The following TMEM114 variants were observed in gnomAD, a reference collection of about 807,000 sequenced individuals.
TMEM114 encodes claudin-26.
TMEM114 carries 6 observed loss-of-function variants against 6.2 expected under a neutral mutation model. The ratio of observed to expected loss-of-function variants is 0.97; its 90% confidence interval spans 0.53 to 1.91. The LOEUF is 1.91. Ranked by LOEUF, TMEM114 falls within the 40% of genes most tolerant of loss-of-function variation. TMEM114 has a pLI of 0.01. For missense variants in TMEM114, 218 were observed against 158.3 expected (o/e 1.38, Z -2.02); for synonymous variants, 104 against 73.0 (o/e 1.42, Z -2.16).
chr16:8,550,691 A>C (rs1329617159), intron 2 of TMEM114, among the ~76,000 whole-genome samples: 1 of 66,132 alleles, frequency 1.5e-5, no homozygotes. Flanking sequence ...AAAACAAAAA[A>C]AAAAAAACCA....
intron 2 of TMEM114, among the ~76,000 whole-genome samples, chr16:8,554,059 T>G (rs1596473040): frequency 6.6e-6 from 1 of 152,042 alleles, no homozygotes. Context: ...TTGTGTTTTT[T>G]GTAGAGACAG....
intron 2 of TMEM114, among the ~76,000 whole-genome samples, chr16:8,547,088 T>G (rs1044589603): frequency 3.3e-5 from 5 of 152,190 alleles, no homozygotes; most frequent in African/African-American, 1.2e-4. Context: ...GTCCTCAGGC[T>G]CTTTTCCAGA....
At chr16:8,537,406 C>T (rs1351450585), downstream of TMEM114, among the ~76,000 whole-genome samples, 1 of 152,110 alleles carries the variant, frequency 6.6e-6, no homozygotes, top group Non-Finnish European at 1.5e-5. Context: ...GAAGCTGAGG[C>T]AGAAGAATGG....
At chr16:8,568,045 G>T (rs987802070), downstream of TMEM114, among the ~76,000 whole-genome samples, 1 of 152,164 alleles carries the variant, frequency 6.6e-6, no homozygotes, top group African/African-American at 2.4e-5. Context: ...TGGAAGTAGG[G>T]GGAGGACCAT....
chr16:8,543,989 T>C (rs886636590), intron 2 of TMEM114, among the ~76,000 whole-genome samples: 11 of 152,200 alleles, frequency 7.2e-5, no homozygotes, highest in African/African-American at 2.4e-5. Flanking sequence ...TAATCCAATA[T>C]TTTCCTTTTT....
Position 8,586,411 on chromosome 16 carries a change from A to G in TMEM114, c.301+2802T>C, listed in dbSNP as rs990570867. Among the ~76,000 whole-genome samples, 3 of 152,186 alleles carry G rather than the reference A, an allele frequency of 2.0e-5. No homozygotes were observed. In the East Asian group the frequency reaches 5.8e-4, roughly 29 times the overall value. ...CATTGAGGCTCAGAGAGGTTAAGAC[A>G]CCTATCCCAGGATCACAGAAGGCCT... On this transcript the variant is annotated intron_variant, in intron 2 of 3. Coordinates refer to ENST00000620492, the MANE Select transcript of TMEM114 (RefSeq NM_001146336.2).
chr16:8,530,874 A>C, the TMEM114 span, among the ~76,000 whole-genome samples: 2 of 152,120 alleles, frequency 1.3e-5, no homozygotes, highest in East Asian at 3.9e-4. Flanking sequence ...AAAATGCAAA[A>C]ATTAGCAGGG....
intron 2 of TMEM114, among the ~76,000 whole-genome samples, chr16:8,563,803 G>T (rs1191776048): frequency 6.8e-6 from 1 of 147,910 alleles, no homozygotes; most frequent in Non-Finnish European, 1.5e-5. Flanking sequence ...ATGAGTGAGG[G>T]AGGGAGGGAA....
At chr16:8,586,067 G>T (rs1005964663) in intron 2 of TMEM114, among the ~76,000 whole-genome samples, 2 of 152,196 alleles carry the variant, frequency 1.3e-5, no homozygotes, top group African/African-American at 2.4e-5. Flanking sequence ...GCCTATTGTG[G>T]TTAGCCATCC....
chr16:8,555,940 G>C (rs13337786), intron 2 of TMEM114, among the ~76,000 whole-genome samples: 65,175 of 151,758 alleles, frequency 0.43, 14,254 homozygotes, highest in East Asian at 0.52. Flanking sequence ...CCTCTTGGAC[G>C]TGTCCATCTT....
intron 2 of TMEM114, among the ~76,000 whole-genome samples, chr16:8,588,242 A>T (rs1028223200): frequency 4.0e-5 from 6 of 149,488 alleles, no homozygotes; most frequent in South Asian, 2.2e-4. Context: ...AGCCAAGATT[A>T]TGCCACTGTA....
intron 2 of TMEM114, among the ~76,000 whole-genome samples, chr16:8,580,035 T>G (rs143320303): frequency 3.9e-4 from 60 of 151,934 alleles, no homozygotes; most frequent in African/African-American, 1.4e-3. Flanking sequence ...CATCCAGAAG[T>G]AGGAGACACC....
intron 2 of TMEM114, among the ~76,000 whole-genome samples, chr16:8,563,577 A>ATGAG (rs1196791514): frequency 1.4e-5 from 2 of 141,216 alleles, no homozygotes; most frequent in East Asian, 4.4e-4. Flanking sequence ...GAGGGAGGAA[A>ATGAG]TGAGTGAGTG....
At chr16:8,544,271 A>G (rs1378086684) in intron 2 of TMEM114, among the ~76,000 whole-genome samples, 3 of 152,184 alleles carry the variant, frequency 2.0e-5, no homozygotes, top group Non-Finnish European at 2.9e-5. Context: ...ATAAATAACA[A>G]GTATAATTTG....
chr16:8,562,471 A>G (rs1390605132), intron 2 of TMEM114, among the ~76,000 whole-genome samples: 1 of 150,928 alleles, frequency 6.6e-6, no homozygotes, highest in East Asian at 2.0e-4. Flanking sequence ...GGAGGGAGGG[A>G]ATGAGTGAGT....
chr16:8,582,101 C>T (rs1902171786), intron 2 of TMEM114, among the ~76,000 whole-genome samples: 1 of 152,194 alleles, frequency 6.6e-6, no homozygotes, highest in South Asian at 2.1e-4. Flanking sequence ...AACTGGAAAT[C>T]CAATCTTGTG....
rs1361993590 is a variant in TMEM114 at position 8,569,984 on chromosome 16, A to G, written c.461T>C (p.Ile154Thr). 1 of 1,550,372 alleles carries G rather than the reference A, an allele frequency of 6.5e-7. No homozygotes were observed. The highest frequency in any genetic ancestry group is 1.4e-5 in the African/African-American group (1 of 73,052). Residue 154 changes from isoleucine (I) to threonine (T), a missense_variant, in exon 4 of 4, where the codon ATC becomes ACC. By Grantham distance (89) the Ile-to-Thr change is moderately conservative (BLOSUM62 -1). Coordinates refer to ENST00000620492, the MANE Select transcript of TMEM114 (RefSeq NM_001146336.2). ...LFGAMVTLAG[I>T]SVYIAYSAAA... ...GGCTGAATACGCTATGTAGACGCTGATCCCAGCGAGGGTCACCATGGCTGC... is the reference window on the plus strand; with the variant it reads ...GGCTGAATACGCTATGTAGACGCTGGTCCCAGCGAGGGTCACCATGGCTGC...
At chr16:8,540,599 A>G (rs1029225022) in intron 2 of TMEM114, among the ~76,000 whole-genome samples, 14 of 135,544 alleles carry the variant, frequency 1.0e-4, no homozygotes, top group Non-Finnish European at 2.0e-4. Context: ...GGAGTTGATA[A>G]GAACAGGTGA....
chr16:8,558,727 G>C (rs1178352059), intron 2 of TMEM114, among the ~76,000 whole-genome samples: 1 of 148,540 alleles, frequency 6.7e-6, no homozygotes, highest in East Asian at 2.0e-4. Context: ...TCAGATGCCA[G>C]TATGATTGCA....
Sources: allele counts gnomAD v4.1 joint callset (sites outside exome capture counted in the v4.1 genomes callset), GRCh38; gene constraint gnomAD v4.1.1; transcripts MANE v1.5; gene names NCBI Gene and HGNC (gene_info 2026-07-23, HGNC 2026-07-21).